SUSD4: variants seen among roughly 807,000 people sequenced by gnomAD.
SUSD4 encodes sushi domain containing 4, also known as sushi domain-containing protein 4.
A neutral mutation model predicts 50.5 loss-of-function variants in SUSD4; 41 were observed. The observed-to-expected ratio is 0.81, with a 90% CI of 0.63 to 1.05. The LOEUF is 1.05. Among genes scored for constraint, SUSD4 ranks in the 50% least tolerant of loss-of-function variants. The pLI is 0.00. For missense variants in SUSD4, 580 were observed against 634.7 expected, an observed-to-expected ratio of 0.91 and a Z score of 0.93; for synonymous variants, 257 against 257.3, an observed-to-expected ratio of 1.00 and a Z score of 0.01.
At chr1:223,238,337 A>C (rs973064242) in intron 5 of SUSD4, among the ~76,000 whole-genome samples, 32 of 151,888 alleles carry the variant, frequency 2.1e-4, no homozygotes, top group African/African-American at 7.7e-4. Context: ...TCCTATTTTC[A>C]ACTTCATTGA....
chr1:223,268,750 T>C, intron 3 of SUSD4, 75 bp from the exon 4 acceptor site: 1 of 1,488,302 alleles, frequency 6.7e-7, no homozygotes, highest in Non-Finnish European at 9.1e-7. Context: ...ACGAGAAAGC[T>C]CTTATTTTCA....
intron 2 of SUSD4, among the ~76,000 whole-genome samples, chr1:223,318,004 C>T (rs1381092612): frequency 1.1e-5 from 1 of 92,058 alleles, no homozygotes; most frequent in Non-Finnish European, 2.2e-5. Flanking sequence ...CTATCCCTCC[C>T]CCCTCCCCCG....
chr1:223,260,354 A>G (rs921136554), intron 5 of SUSD4, among the ~76,000 whole-genome samples: 12 of 152,240 alleles, frequency 7.9e-5, no homozygotes, highest in African/African-American at 2.9e-4. Context: ...TGGTGACAAC[A>G]TAAACTGAGT....
At chr1:223,245,273 T>C (rs906476152) in intron 5 of SUSD4, among the ~76,000 whole-genome samples, 1 of 151,082 alleles carries the variant, frequency 6.6e-6, no homozygotes, top group African/African-American at 2.4e-5. Context: ...TATTGTGTAT[T>C]ATTGGTCTGC....
intron 2 of SUSD4, among the ~76,000 whole-genome samples, chr1:223,311,706 C>A (rs1248410970): frequency 2.0e-5 from 3 of 152,150 alleles, no homozygotes; most frequent in Non-Finnish European, 2.9e-5. Context: ...TCTTGCAAAA[C>A]ATTATAAATC....
chr1:223,285,183 A>G (rs1463433620), intron 3 of SUSD4, among the ~76,000 whole-genome samples: 1 of 152,208 alleles, frequency 6.6e-6, no homozygotes, highest in Non-Finnish European at 1.5e-5. Context: ...TCCATATGAC[A>G]GACATCTCCT....
At position 223,258,362 on chromosome 1, in the gene SUSD4, T is replaced by C. The variant is rs538346082; in HGVS notation, c.724+6268A>G. 3.9e-5 allele frequency among the ~76,000 whole-genome samples: 6 copies of C among 152,306 alleles called. No individual in the cohort carries two copies. In the South Asian group the frequency reaches 1.2e-3, roughly 32 times the overall value. On this transcript the variant is annotated intron_variant, in intron 5 of 8. Coordinates refer to ENST00000366878, the MANE Select transcript of SUSD4 (RefSeq NM_017982.4). ...CAAACAAGGTTCTTCAGTTTCTTAT[T>C]TTTCCTCCTTTTCTTATAAAAGGAT... is the stretch of plus-strand genomic sequence containing the variant.
At chr1:223,345,523 A>G (rs1667982232) in intron 2 of SUSD4, among the ~76,000 whole-genome samples, 2 of 152,278 alleles carry the variant, frequency 1.3e-5, no homozygotes, top group African/African-American at 4.8e-5. Flanking sequence ...TGCATCCCTC[A>G]GGGGGATCCC....
At chr1:223,279,332 T>G (rs1663519294) in intron 3 of SUSD4, among the ~76,000 whole-genome samples, 1 of 152,186 alleles carries the variant, frequency 6.6e-6, no homozygotes, top group East Asian at 1.9e-4. Flanking sequence ...GAAAAAAGAT[T>G]AGATGAATGG....
rs116889711 is a variant in SUSD4 at position 223,232,320 on chromosome 1, G to C, written c.725-2932C>G. 2.6e-5 allele frequency among the ~76,000 whole-genome samples: 4 copies of C among 152,300 alleles called. No individual in the cohort carries two copies. In the East Asian group the frequency reaches 7.7e-4, roughly 29 times the overall value. On this transcript the variant is annotated intron_variant, in intron 5 of 8. Transcript: ENST00000366878. ...CTAAGAGAGTAGATTTCAGGAAATGGATTATGTTAACTTACTTGACTGTAA... is the reference window on the plus strand; with the variant it reads ...CTAAGAGAGTAGATTTCAGGAAATGCATTATGTTAACTTACTTGACTGTAA...
chr1:223,243,132 C>A (rs1398867797), intron 5 of SUSD4, among the ~76,000 whole-genome samples: 5 of 152,196 alleles, frequency 3.3e-5, no homozygotes, highest in South Asian at 2.1e-4. Flanking sequence ...AGGCTCCAGG[C>A]TCCTCCCTGG....
intron 3 of SUSD4, among the ~76,000 whole-genome samples, chr1:223,276,474 T>C (rs1018418027): frequency 6.6e-6 from 1 of 152,226 alleles, no homozygotes; most frequent in African/African-American, 2.4e-5. Context: ...AGAACCCTTG[T>C]CTGTGGTGGT....
In SUSD4 at chr1:223,289,077, C is replaced by A. The variant is rs571228625; in HGVS notation, c.361+3362G>T. ...AACTGAGTTGGTTTTGGAAAGGAAG[C>A]GGCCAGATGGTGGCCAGCACCCTGG... On this transcript the variant is annotated intron_variant, in intron 3 of 8. Coordinates refer to ENST00000366878, the MANE Select transcript of SUSD4 (RefSeq NM_017982.4). The A allele has an allele frequency of 5.2e-5, 51 of 984,512 alleles. No individual in the cohort carries two copies. In the African/African-American group the frequency reaches 5.4e-4, roughly 10 times the overall value. 61.0% of individuals were successfully genotyped at this position (984,512 alleles called of 1,614,324 possible).
At chr1:223,357,758 A>T (rs1048196271) in intron 2 of SUSD4, among the ~76,000 whole-genome samples, 14 of 152,360 alleles carry the variant, frequency 9.2e-5, no homozygotes, top group South Asian at 8.3e-4. Flanking sequence ...ACAATAGTTG[A>T]ACAGCTCATT....
intron 2 of SUSD4, among the ~76,000 whole-genome samples, chr1:223,349,598 C>T (rs1668242894): frequency 6.6e-6 from 1 of 152,156 alleles, no homozygotes; most frequent in Admixed American, 6.5e-5. Flanking sequence ...TAATGAAATG[C>T]ATGAATAGGT....
intron 3 of SUSD4, chr1:223,289,184 C>T (rs553496378): frequency 1.0e-6 from 1 of 985,406 alleles, no homozygotes; most frequent in African/African-American, 1.7e-5. Flanking sequence ...CTAGGGTCTC[C>T]TCTCCACCAT....
intron 7 of SUSD4, 122 bp from the exon 8 acceptor site, chr1:223,223,753 G>A (rs1659302173): frequency 1.6e-6 from 2 of 1,230,468 alleles, no homozygotes. Flanking sequence ...GTCCCGTATG[G>A]AGGATAATAT....
intron 2 of SUSD4, among the ~76,000 whole-genome samples, chr1:223,331,062 T>C (rs1457749124): frequency 6.6e-6 from 1 of 152,188 alleles, no homozygotes; most frequent in Non-Finnish European, 1.5e-5. Flanking sequence ...AGCTGTCTCA[T>C]GGGTGAGGGC....
intron 3 of SUSD4, among the ~76,000 whole-genome samples, chr1:223,283,915 G>T (rs1446946190): frequency 6.6e-6 from 1 of 152,198 alleles, no homozygotes; most frequent in East Asian, 1.9e-4. Flanking sequence ...AAAAGGATGA[G>T]TTCATGTCCT....
Sources: allele counts gnomAD v4.1 joint callset (sites outside exome capture counted in the v4.1 genomes callset), GRCh38; gene constraint gnomAD v4.1.1; transcripts MANE v1.5; gene names NCBI Gene and HGNC (gene_info 2026-07-23, HGNC 2026-07-21).